The following STAM variants were observed in gnomAD, a reference collection of about 807,000 sequenced individuals.
STAM encodes signal transducing adapter molecule 1.
STAM carries 16 observed loss-of-function variants against 63.4 expected under a neutral mutation model. The observed-to-expected ratio is 0.25, with a 90% confidence interval of 0.17 to 0.38. STAM has a LOEUF of 0.38. Among genes scored for constraint, STAM ranks in the 10% least tolerant of loss-of-function variants. The probability of loss-of-function intolerance (pLI) is 1.00; values close to 1 mark genes in which losing one functional copy is unlikely to be tolerated. For synonymous variants in STAM, 238 were observed against 223.9 expected, an observed-to-expected ratio of 1.06 and a Z score of -0.56; for missense variants, 636 against 657.1, an observed-to-expected ratio of 0.97 and a Z score of 0.35.
intron 13 of STAM, among the ~76,000 whole-genome samples, chr10:17,712,002 C>T (rs977621517): frequency 6.6e-6 from 1 of 152,162 alleles, no homozygotes; most frequent in Non-Finnish European, 1.5e-5. Context: ...CATTGGGTGA[C>T]ATGGTTGGGA....
intron 8 of STAM, among the ~76,000 whole-genome samples, chr10:17,698,665 G>T (rs1554827948): frequency 6.6e-6 from 1 of 152,020 alleles, no homozygotes; most frequent in East Asian, 1.9e-4. Context: ...GCCCTATTTA[G>T]CTTGCTTTTG....
At chr10:17,694,938 C>T in intron 6 of STAM, 111 bp from the exon 7 acceptor site, 1 of 977,642 alleles carries the variant, frequency 1.0e-6, no homozygotes, top group Non-Finnish European at 1.5e-6. Flanking sequence ...GTTCTAGTTT[C>T]TAACTATACT....
intron 1 of STAM, among the ~76,000 whole-genome samples, chr10:17,655,981 T>C (rs1833922326): frequency 6.6e-6 from 1 of 152,194 alleles, no homozygotes; most frequent in Non-Finnish European, 1.5e-5. Context: ...TTTTTCTTTT[T>C]CTTTTTTTGG....
At chr10:17,689,145 TTTTTATTCCTA>T (rs1835425726) in intron 5 of STAM, among the ~76,000 whole-genome samples, 1 of 152,368 alleles carries the variant, frequency 6.6e-6, no homozygotes, top group Non-Finnish European at 1.5e-5. Context: ...AGAAATGTCT[TTTTTATTCCTA>T]TTTCTATTTT....
intron 1 of STAM, among the ~76,000 whole-genome samples, chr10:17,645,543 T>G (rs1241385243): frequency 3.3e-5 from 5 of 152,140 alleles, no homozygotes; most frequent in Non-Finnish European, 5.9e-5. Context: ...GGAAAACACA[T>G]CATTCCATTC....
chr10:17,681,470 T>C (rs782353061), intron 2 of STAM, among the ~76,000 whole-genome samples: 3 of 152,212 alleles, frequency 2.0e-5, no homozygotes, highest in Admixed American at 6.5e-5. Context: ...TTTTTAAATC[T>C]GTAGAGACTT....
intron 1 of STAM, among the ~76,000 whole-genome samples, chr10:17,654,628 A>G (rs1450242886): frequency 2.0e-5 from 3 of 152,192 alleles, no homozygotes; most frequent in African/African-American, 2.4e-5. Context: ...GACTGAGAGC[A>G]TGGTTATTGA....
intron 1 of STAM, among the ~76,000 whole-genome samples, chr10:17,647,805 A>G (rs968589803): frequency 3.3e-5 from 5 of 152,200 alleles, no homozygotes; most frequent in African/African-American, 9.7e-5. Flanking sequence ...CTAATTTCTT[A>G]GCTTTAAATA....
chr10:17,682,118 C>G (rs1284632910), intron 2 of STAM, among the ~76,000 whole-genome samples: 1 of 152,138 alleles, frequency 6.6e-6, no homozygotes, highest in East Asian at 1.9e-4. Context: ...TAAGTATCAC[C>G]CCAACCAAGA....
chr10:17,704,920 AT>A (rs782471783), intron 10 of STAM, 49 bp from the exon 11 acceptor site: 250 of 1,423,086 alleles, frequency 1.8e-4, no homozygotes, highest in Admixed American at 3.4e-4. Context: ...AAAGGTTCAC[AT>A]TTTTTTTTCT....
Position 17,705,888 on chromosome 10 carries a change from T to G in STAM, c.1209+147T>G, listed in dbSNP as rs1434808384. ...TTTAAGACCAGCCTGGGTAACATAG[T>G]GAGACTCTGTCTCTACCAAAAAAAA... On this transcript the variant is annotated intron_variant, in intron 12 of 13. Coordinates refer to ENST00000377524, the MANE Select transcript of STAM (RefSeq NM_003473.4). The G allele has an allele frequency of 8.5e-6, 5 of 586,986 alleles. No individual in the cohort carries two copies. The East Asian group carries it at 1.5e-4, about 18-fold the overall frequency. 36.4% of individuals were successfully genotyped at this position (586,986 alleles called of 1,614,324 possible).
At chr10:17,672,061 A>T (rs552932334) in intron 2 of STAM, among the ~76,000 whole-genome samples, 2 of 152,322 alleles carry the variant, frequency 1.3e-5, no homozygotes, top group South Asian at 4.1e-4. Flanking sequence ...AGAATTTTCA[A>T]AAGTTTTATA....
intron 2 of STAM, among the ~76,000 whole-genome samples, chr10:17,682,883 GAT>G (rs1835144105): frequency 6.6e-6 from 1 of 152,020 alleles, no homozygotes; most frequent in Non-Finnish European, 1.5e-5. Context: ...CGGCTGTATC[GAT>G]GTTTCCTTTA....
rs782006068 is a variant in STAM, at chr10:17,704,929, T to C, written c.1001-41T>C. ...TCTATCAAAGGTTCACATTTTTTTT[T>C]CTTGTACTTTCTTATATTTCTTCAC... is the stretch of plus-strand genomic sequence containing the variant. On this transcript the variant is annotated intron_variant, in intron 10 of 13. Transcript: ENST00000377524. 4 of 1,530,822 alleles carry C rather than the reference T, an allele frequency of 2.6e-6. No homozygotes were observed. The African/African-American group carries it at 5.5e-5, about 21-fold the overall frequency. 94.8% of individuals were successfully genotyped at this position (1,530,822 alleles called of 1,614,324 possible).
chr10:17,653,189 C>G (rs1217325181), intron 1 of STAM, among the ~76,000 whole-genome samples: 1 of 152,136 alleles, frequency 6.6e-6, no homozygotes, highest in African/African-American at 2.4e-5. Context: ...GGTCCTATTT[C>G]ATAAATCATA....
At position 17,715,101 on chromosome 10, in the gene STAM, T is replaced by A. The variant is rs1036615697; in HGVS notation, c.*321T>A. On this transcript the variant is annotated 3_prime_UTR_variant, in exon 14 of 14. Coordinates refer to ENST00000377524, the MANE Select transcript of STAM (RefSeq NM_003473.4). Reference sequence around the variant, plus strand: ...TTACAAAAACTGTTGTGACAAATGTTATGTACATATATTGATATGTAACTG... The same window carrying A: ...TTACAAAAACTGTTGTGACAAATGTAATGTACATATATTGATATGTAACTG... 1.2e-5 allele frequency: 4 copies of A among 332,598 alleles called. No individual in the cohort carries two copies. The highest frequency in any genetic ancestry group is 8.4e-5 in the African/African-American group (4 of 47,642). 20.6% of individuals were successfully genotyped at this position (332,598 alleles called of 1,614,324 possible).
At chr10:17,705,811 T>C in intron 12 of STAM, 70 bp downstream of exon 12, 1 of 1,472,970 alleles carries the variant, frequency 6.8e-7, no homozygotes, top group Non-Finnish European at 9.2e-7. Context: ...CTCATGCCTG[T>C]AATCTCAGCA....
At chr10:17,685,530 C>T (rs541560016) in intron 4 of STAM, among the ~76,000 whole-genome samples, 83 of 152,250 alleles carry the variant, frequency 5.5e-4, no homozygotes, top group African/African-American at 2.0e-3. Flanking sequence ...ATTAGGGGAA[C>T]TTACACAGGA....
chr10:17,645,072 C>G lies in STAM; in HGVS notation c.40+693C>G, dbSNP rs7082861. ...TACATTTTTGTTGTTTTCTGAATCA[C>G]TGGTATTAGGTACTGATGATGTCAA... On this transcript the variant is annotated intron_variant, in intron 1 of 13. Transcript: ENST00000377524. Among the ~76,000 whole-genome samples, 1,234 of 152,304 alleles carry G rather than the reference C, an allele frequency of 8.1e-3. 23 individuals are homozygous for G. Among genetic ancestry groups the G allele is most frequent in the African/African-American group, 0.028 (1,153 of 41,562 alleles).
Sources: allele counts gnomAD v4.1 joint callset (sites outside exome capture counted in the v4.1 genomes callset), GRCh38; gene constraint gnomAD v4.1.1; transcripts MANE v1.5; gene names NCBI Gene and HGNC (gene_info 2026-07-23, HGNC 2026-07-21).